Variants in CNTLN observed in about 807,000 individuals in gnomAD.
CNTLN encodes the protein centlein, centrosomal protein.
A neutral mutation model predicts 180.0 loss-of-function variants in CNTLN; 212 were observed. The observed-to-expected ratio is 1.18, with a 90% CI of 1.05 to 1.32. The LOEUF (loss-of-function observed/expected upper bound fraction) is 1.32. Among genes scored for constraint, CNTLN ranks in the 40% most tolerant of loss-of-function variants. The pLI, the probability that CNTLN is intolerant of heterozygous loss-of-function variation, is 0.00. For missense variants in CNTLN, 2,095 were observed against 1,610.9 expected, an observed-to-expected ratio of 1.30 and a Z score of -5.14; for synonymous variants, 722 against 563.1, an observed-to-expected ratio of 1.28 and a Z score of -3.99.
intron 2 of CNTLN, among the ~76,000 whole-genome samples, chr9:17,202,089 T>C (rs978045243): frequency 3.3e-5 from 5 of 152,226 alleles, no homozygotes; most frequent in Non-Finnish European, 7.3e-5. Flanking sequence ...ATTTTGTTAT[T>C]TACCCAGTAG....
intron 13 of CNTLN, among the ~76,000 whole-genome samples, chr9:17,367,708 C>T (rs903839377): frequency 5.3e-5 from 8 of 152,068 alleles, no homozygotes; most frequent in Non-Finnish European, 7.4e-5. Flanking sequence ...TATTCTAGGC[C>T]CTAGCTCCTG....
At chr9:17,196,571 G>C (rs180896868) in intron 2 of CNTLN, among the ~76,000 whole-genome samples, 20 of 151,776 alleles carry the variant, frequency 1.3e-4, no homozygotes, top group African/African-American at 4.8e-4. Flanking sequence ...AACCACTGAA[G>C]ACTTTAAAAA....
intron 8 of CNTLN, among the ~76,000 whole-genome samples, chr9:17,327,053 A>G (rs897743664): frequency 6.6e-6 from 1 of 152,154 alleles, no homozygotes; most frequent in South Asian, 2.1e-4. Flanking sequence ...CTAATTTAAG[A>G]TGTTAATAAT....
At chr9:17,360,323 G>A (rs146287676) in intron 12 of CNTLN, among the ~76,000 whole-genome samples, 1 of 152,228 alleles carries the variant, frequency 6.6e-6, no homozygotes, top group East Asian at 1.9e-4. Context: ...GGAGAAAATT[G>A]GACTCAACTC....
chr9:17,148,928 T>C (rs1175847180), intron 2 of CNTLN, among the ~76,000 whole-genome samples: 2 of 152,190 alleles, frequency 1.3e-5, no homozygotes, highest in African/African-American at 4.8e-5. Flanking sequence ...CATCAACCTG[T>C]CACCTACATT....
At chr9:17,156,909 G>C (rs1168900389) in intron 2 of CNTLN, among the ~76,000 whole-genome samples, 1 of 152,218 alleles carries the variant, frequency 6.6e-6, no homozygotes, top group Non-Finnish European at 1.5e-5. Flanking sequence ...CAATGTAATT[G>C]TGTAAAGTAG....
chr9:17,214,230 G>A (rs948865269), intron 2 of CNTLN, among the ~76,000 whole-genome samples: 1 of 152,142 alleles, frequency 6.6e-6, no homozygotes, highest in African/African-American at 2.4e-5. Context: ...TCCTTCAGGA[G>A]GTCTTGTAGG....
intron 5 of CNTLN, among the ~76,000 whole-genome samples, chr9:17,269,022 G>A (rs914953842): frequency 4.6e-5 from 7 of 151,972 alleles, no homozygotes; most frequent in East Asian, 1.9e-4. Flanking sequence ...TCTGGCTAGC[G>A]CACGGTGCGC....
At chr9:17,411,403 C>A (rs1448017392) in intron 16 of CNTLN, among the ~76,000 whole-genome samples, 1 of 152,178 alleles carries the variant, frequency 6.6e-6, no homozygotes, top group Admixed American at 6.5e-5. Flanking sequence ...CTAATGGGAA[C>A]CTAGACTTTC....
At chr9:17,280,074 C>T (rs1388787536) in intron 6 of CNTLN, among the ~76,000 whole-genome samples, 1 of 152,154 alleles carries the variant, frequency 6.6e-6, no homozygotes, top group African/African-American at 2.4e-5. Context: ...GTAAGAATAA[C>T]TGTAAGAAAT....
Position 17,494,829 on chromosome 9 carries a change from A to C in CNTLN, c.4120-7722A>C. 4 of 391,534 alleles carry C rather than the reference A, an allele frequency of 1.0e-5. 1 individual carries two copies. Among genetic ancestry groups the C allele is most frequent in the South Asian group, 8.0e-5 (4 of 50,164 alleles). The allele number at this position is 391,534 out of a possible 1,614,324, so 24.3% of individuals were successfully genotyped here. ...TTATGTACTGCACATAATACTCAAT[A>C]ATGATAATAAATGTCTGTTACTAGT... On this transcript the variant is annotated intron_variant, in intron 25 of 25. Transcript: ENST00000380647.
intron 15 of CNTLN, among the ~76,000 whole-genome samples, chr9:17,400,038 G>T (rs568314950): frequency 6.6e-6 from 1 of 152,042 alleles, no homozygotes; most frequent in South Asian, 2.1e-4. Flanking sequence ...GATTTGTTTG[G>T]TTTTCTTTTG....
At chr9:17,375,868 T>C (rs1027647902) in intron 13 of CNTLN, among the ~76,000 whole-genome samples, 8 of 152,222 alleles carry the variant, frequency 5.3e-5, no homozygotes, top group African/African-American at 1.9e-4. Flanking sequence ...GATAACTATA[T>C]TTCGTATATA....
At chr9:17,322,356 T>C (rs1396224014) in intron 8 of CNTLN, among the ~76,000 whole-genome samples, 1 of 152,154 alleles carries the variant, frequency 6.6e-6, no homozygotes, top group Non-Finnish European at 1.5e-5. Flanking sequence ...CATTGTGTAT[T>C]ATATTCACAA....
At chr9:17,148,116 A>G (rs1470229652) in intron 2 of CNTLN, among the ~76,000 whole-genome samples, 1 of 152,190 alleles carries the variant, frequency 6.6e-6, no homozygotes, top group Admixed American at 6.5e-5. Context: ...TCGTGTACCC[A>G]TCACTCACCT....
At chr9:17,510,437 A>T in the CNTLN span, among the ~76,000 whole-genome samples, 1 of 152,200 alleles carries the variant, frequency 6.6e-6, no homozygotes, top group Non-Finnish European at 1.5e-5. Context: ...TGATTGGGTC[A>T]TGGTGCTCAG....
chr9:17,354,258 G>A (rs906112614), intron 12 of CNTLN, among the ~76,000 whole-genome samples: 2 of 152,112 alleles, frequency 1.3e-5, no homozygotes, highest in Admixed American at 6.5e-5. Flanking sequence ...CCTCCCCGAC[G>A]AGCACCACCC....
At chr9:17,168,033 CGTCACTTCTGGTATGATGA>C (rs986917752) in intron 2 of CNTLN, 1 of 152,064 alleles carries the variant, frequency 6.6e-6, no homozygotes, top group African/African-American at 2.4e-5. Context: ...AAAATTACCC[CGTCACTTCTGGTATGATGA>C]GAGACTGGGA....
At chr9:17,326,932 G>C (rs111526510) in intron 8 of CNTLN, among the ~76,000 whole-genome samples, 7 of 152,168 alleles carry the variant, frequency 4.6e-5, no homozygotes, top group African/African-American at 1.4e-4. Context: ...ATGGGATCCT[G>C]AAACAGAAAA....
Sources: allele counts gnomAD v4.1 joint callset (sites outside exome capture counted in the v4.1 genomes callset), GRCh38; gene constraint gnomAD v4.1.1; transcripts MANE v1.5; gene names NCBI Gene and HGNC (gene_info 2026-07-23, HGNC 2026-07-21).